EXOC4: variants seen among roughly 807,000 people sequenced by gnomAD.
EXOC4 encodes SEC8-like 1.
In EXOC4, 71 loss-of-function variants were observed where a neutral mutation model predicts 107.2. The ratio of observed to expected loss-of-function variants is 0.66; its 90% CI spans 0.55 to 0.81. The LOEUF (loss-of-function observed/expected upper bound fraction) is 0.81, where lower values mean the gene tolerates loss of function less well. Ranked by LOEUF, EXOC4 falls within the 30% of genes least tolerant of loss-of-function variation. The pLI is 0.00. For synonymous variants in EXOC4, 456 were observed against 441.2 expected, an observed-to-expected ratio of 1.03 and a Z score of -0.42; for missense variants, 1,108 against 1,189.6, an observed-to-expected ratio of 0.93 and a Z score of 1.01.
At chr7:133,809,678 T>C (rs76882890) in intron 10 of EXOC4, among the ~76,000 whole-genome samples, 1 of 152,230 alleles carries the variant, frequency 6.6e-6, no homozygotes, top group East Asian at 1.9e-4. Context: ...CAAATATCTA[T>C]ATTAATGTGT....
intron 11 of EXOC4, among the ~76,000 whole-genome samples, chr7:133,855,134 T>TATATAA (rs1554409810): frequency 6.3e-5 from 7 of 110,848 alleles, no homozygotes; most frequent in African/African-American, 3.2e-4. Context: ...TATAAATATA[T>TATATAA]ATATATATAA....
chr7:133,919,145 AT>A (rs1720716206), intron 13 of EXOC4, among the ~76,000 whole-genome samples: 1 of 152,154 alleles, frequency 6.6e-6, no homozygotes, highest in African/African-American at 2.4e-5. Context: ...CTTCCTTATT[AT>A]TCACAGTATC....
intron 1 of EXOC4, among the ~76,000 whole-genome samples, chr7:133,260,878 A>G (rs1341833295): frequency 3.3e-5 from 5 of 152,106 alleles, no homozygotes; most frequent in Admixed American, 2.0e-4. Context: ...AAGTTGTGCT[A>G]CAGTTCATGG....
chr7:133,984,060 A>G (rs1041162385), intron 14 of EXOC4, among the ~76,000 whole-genome samples: 2 of 152,212 alleles, frequency 1.3e-5, no homozygotes, highest in African/African-American at 2.4e-5. Context: ...CTGTACTATC[A>G]ATCACAAGGT....
intron 9 of EXOC4, chr7:133,551,456 AG>A (rs1288160720): frequency 2.0e-5 from 3 of 152,110 alleles, no homozygotes; most frequent in African/African-American, 7.2e-5. Context: ...TGATTATTTT[AG>A]TTGTTTCAAA....
At chr7:133,979,387 G>A (rs1793918689) in intron 14 of EXOC4, among the ~76,000 whole-genome samples, 1 of 152,154 alleles carries the variant, frequency 6.6e-6, no homozygotes, top group Non-Finnish European at 1.5e-5. Flanking sequence ...CGGCGGTCAG[G>A]AAATAAATGC....
chr7:133,516,267 A>C (rs1799873786), intron 9 of EXOC4, among the ~76,000 whole-genome samples: 1 of 152,174 alleles, frequency 6.6e-6, no homozygotes. Flanking sequence ...TAGGGTGTTC[A>C]CAAAGTATAT....
intron 10 of EXOC4, among the ~76,000 whole-genome samples, chr7:133,632,060 A>G (rs183993062): frequency 6.6e-6 from 1 of 152,238 alleles, no homozygotes; most frequent in African/African-American, 2.4e-5. Context: ...AGAATGAAAT[A>G]TATATACACA....
chr7:133,727,144 T>G (rs999797102), intron 10 of EXOC4, among the ~76,000 whole-genome samples: 4 of 152,232 alleles, frequency 2.6e-5, no homozygotes, highest in African/African-American at 9.6e-5. Flanking sequence ...TTGTTATTGA[T>G]CTAAGCACTA....
chr7:134,025,831 T>G (rs1330402446), intron 17 of EXOC4, among the ~76,000 whole-genome samples: 1 of 152,170 alleles, frequency 6.6e-6, no homozygotes, highest in African/African-American at 2.4e-5. Flanking sequence ...ACGAGCATAG[T>G]ATCACTTCTG....
At chr7:134,006,684 A>G (rs1421167017) in intron 16 of EXOC4, among the ~76,000 whole-genome samples, 2 of 152,206 alleles carry the variant, frequency 1.3e-5, no homozygotes, top group African/African-American at 2.4e-5. Flanking sequence ...GAAAACAACC[A>G]ATAGCAAATG....
chr7:133,969,979 G>A (rs1183394499), intron 14 of EXOC4, among the ~76,000 whole-genome samples: 1 of 152,232 alleles, frequency 6.6e-6, no homozygotes, highest in Non-Finnish European at 1.5e-5. Flanking sequence ...GTCCCAGGGA[G>A]ATGGGAGTTT....
At chr7:133,962,754 C>A (rs932514162) in intron 14 of EXOC4, among the ~76,000 whole-genome samples, 3 of 152,186 alleles carry the variant, frequency 2.0e-5, no homozygotes, top group Non-Finnish European at 2.9e-5. Flanking sequence ...TGAACCAAGC[C>A]ATTTACGCTT....
chr7:133,905,767 A>AC, intron 12 of EXOC4, among the ~76,000 whole-genome samples: 1 of 152,196 alleles, frequency 6.6e-6, no homozygotes, highest in Non-Finnish European at 1.5e-5. Context: ...TAAGCATGTT[A>AC]CCTTTAGCAC....
chr7:133,431,885 A>G (rs753449920), intron 7 of EXOC4, among the ~76,000 whole-genome samples: 24 of 152,216 alleles, frequency 1.6e-4, no homozygotes, highest in Non-Finnish European at 2.5e-4. Flanking sequence ...GCTTTATGGG[A>G]AACAGTGTGT....
chr7:133,819,290 T>TG (rs1554405183), intron 11 of EXOC4, among the ~76,000 whole-genome samples: 1 of 151,726 alleles, frequency 6.6e-6, no homozygotes, highest in African/African-American at 2.4e-5. Flanking sequence ...TTTTTTTTTT[T>TG]GTCAAGATCC....
chr7:133,373,333 A>T (rs902780173), intron 6 of EXOC4, among the ~76,000 whole-genome samples: 1 of 152,236 alleles, frequency 6.6e-6, no homozygotes, highest in Non-Finnish European at 1.5e-5. Context: ...AAGGATTAAA[A>T]AGAATCATCA....
At chr7:134,081,614 G>A in the EXOC4 span, among the ~76,000 whole-genome samples, 1 of 152,164 alleles carries the variant, frequency 6.6e-6, no homozygotes, top group Non-Finnish European at 1.5e-5. Flanking sequence ...TAGAATGAAT[G>A]AATAGGTGAA....
At chr7:133,865,641 T>A (rs966004518) in intron 11 of EXOC4, among the ~76,000 whole-genome samples, 24 of 152,274 alleles carry the variant, frequency 1.6e-4, no homozygotes, top group African/African-American at 5.8e-4. Context: ...ACAGGAAGCA[T>A]GTCTGGGAGG....
Sources: gnomAD v4.1 joint callset for allele counts (sites outside exome capture counted in the v4.1 genomes callset) on GRCh38, gnomAD v4.1.1 for gene constraint, MANE v1.5 for transcripts, NCBI Gene and HGNC (gene_info 2026-07-23, HGNC 2026-07-21) for gene names.